The following CMTM4 variants were observed in gnomAD, a reference collection of about 807,000 sequenced individuals.
CMTM4 encodes CKLF-like MARVEL transmembrane domain-containing protein 4.
Under a neutral mutation model 19.0 loss-of-function variants are expected in CMTM4, and 8 were observed. The observed-to-expected ratio is 0.42, with a 90% confidence interval of 0.25 to 0.76. The LOEUF (loss-of-function observed/expected upper bound fraction) is 0.76. CMTM4 is among the 30% of genes least tolerant of loss of function. The probability of loss-of-function intolerance (pLI) is 0.27; values close to 1 mark genes in which losing one functional copy is unlikely to be tolerated. For missense variants in CMTM4, 228 were observed against 290.2 expected, an observed-to-expected ratio of 0.79 and a Z score of 1.56; for synonymous variants, 106 against 121.1, an observed-to-expected ratio of 0.88 and a Z score of 0.82.
downstream of CMTM4, chr16:66,613,935 G>A (rs1339791916): frequency 2.7e-5 from 4 of 148,180 alleles, no homozygotes; most frequent in African/African-American, 7.4e-5. Flanking sequence ...GACCAGTTTC[G>A]TGGAAGACAG....
chr16:66,600,116 G>T, the CMTM4 span, among the ~76,000 whole-genome samples: 1 of 143,594 alleles, frequency 7.0e-6, no homozygotes, highest in Non-Finnish European at 1.5e-5. Flanking sequence ...ATCCTTTTGT[G>T]TGTGTGTGTG....
chr16:66,684,314 C>G (rs1355476343), intron 1 of CMTM4, among the ~76,000 whole-genome samples: 1 of 152,230 alleles, frequency 6.6e-6, no homozygotes, highest in African/African-American at 2.4e-5. Context: ...GCTGGGATTA[C>G]AAGTACCCAC....
chr16:66,601,392 G>C, the CMTM4 span, among the ~76,000 whole-genome samples: 1 of 152,198 alleles, frequency 6.6e-6, no homozygotes, highest in South Asian at 2.1e-4. Flanking sequence ...TCTCAGCAGA[G>C]AGGAGGCCCT....
chr16:66,680,723 G>A (rs1416125826), intron 1 of CMTM4, among the ~76,000 whole-genome samples: 8 of 132,456 alleles, frequency 6.0e-5, no homozygotes, highest in South Asian at 2.5e-4. Flanking sequence ...GCAGTGAGCC[G>A]AGATCGTGCC....
Position 66,620,198 on chromosome 16 carries a change from G to A in CMTM4, c.*1860C>T. 2 of 985,462 alleles carry A rather than the reference G, an allele frequency of 2.0e-6. No homozygotes were observed. The highest frequency in any genetic ancestry group is 2.4e-6 in the Non-Finnish European group (2 of 829,934). The allele number at this position is 985,462 out of a possible 1,614,324, so 61.0% of individuals were successfully genotyped here. A position where few individuals can be genotyped will look rare whatever the true frequency, so the allele number is the denominator to read the frequency against. On this transcript the variant is annotated 3_prime_UTR_variant, in exon 4 of 4. Transcript: ENST00000394106. ...TGGGCCCCATTTAATGCAAGGCTGAGCCTTTGTGGCCCTATTTTAAAAGGA... is the reference window on the plus strand; with the variant it reads ...TGGGCCCCATTTAATGCAAGGCTGAACCTTTGTGGCCCTATTTTAAAAGGA...
At chr16:66,691,328 A>G (rs1005827663) in intron 1 of CMTM4, among the ~76,000 whole-genome samples, 5 of 152,004 alleles carry the variant, frequency 3.3e-5, no homozygotes, top group Admixed American at 6.6e-5. Flanking sequence ...TCACACAAGG[A>G]GGAAGAAGAT....
intron 1 of CMTM4, among the ~76,000 whole-genome samples, chr16:66,667,422 T>C (rs1411141341): frequency 6.6e-6 from 1 of 152,194 alleles, no homozygotes; most frequent in Non-Finnish European, 1.5e-5. Flanking sequence ...GGACCTGCTA[T>C]GTACTACATT....
intron 1 of CMTM4, among the ~76,000 whole-genome samples, chr16:66,671,416 T>C (rs532780340): frequency 6.6e-6 from 1 of 152,132 alleles, no homozygotes; most frequent in African/African-American, 2.4e-5. Context: ...AGACAGAAAA[T>C]TTGGAAGAGG....
At chr16:66,612,092 T>TGCACCC (rs1394035464), downstream of CMTM4, among the ~76,000 whole-genome samples, 6 of 152,138 alleles carry the variant, frequency 3.9e-5, no homozygotes, top group African/African-American at 1.2e-4. The surrounding 1 kb of genome is among the most constrained non-coding windows in gnomAD (Gnocchi z 6.0). Context: ...CACCCCCACC[T>TGCACCC]GCACCCGCAC....
rs78728413 is a variant in CMTM4, at chr16:66,682,299, C to T, written c.186+14041G>A. On this transcript the variant is annotated intron_variant, in intron 1 of 3. Coordinates refer to ENST00000394106, the MANE Select transcript of CMTM4 (RefSeq NM_181521.3). Reference sequence around the variant, plus strand: ...TCTCAAGTTATACACATTTCTAGGGCTTGGCCTGAAAATGGGTGAAAGAAA... The same window carrying T: ...TCTCAAGTTATACACATTTCTAGGGTTTGGCCTGAAAATGGGTGAAAGAAA... 2.4e-3 allele frequency among the ~76,000 whole-genome samples: 361 copies of T among 152,240 alleles called. 1 individual carries two copies. The highest frequency in any genetic ancestry group is 8.2e-3 in the African/African-American group (340 of 41,544).
intron 1 of CMTM4, among the ~76,000 whole-genome samples, chr16:66,644,460 A>C (rs746065719): frequency 1.3e-5 from 2 of 152,230 alleles, no homozygotes; most frequent in Non-Finnish European, 2.9e-5. Context: ...ACAAAAACAG[A>C]AAGAAAATGC....
chr16:66,613,649 G>C (rs2015467218), downstream of CMTM4: 1 of 153,536 alleles, frequency 6.5e-6, no homozygotes, highest in Non-Finnish European at 1.4e-5. Context: ...AAAAGAGCCA[G>C]AGTTCTGGAC....
chr16:66,681,354 T>C (rs1232846351), intron 1 of CMTM4, among the ~76,000 whole-genome samples: 1 of 152,154 alleles, frequency 6.6e-6, no homozygotes, highest in African/African-American at 2.4e-5. Context: ...TCTTGCTCTG[T>C]TGCCCAGGCT....
At chr16:66,602,145 CCAAA>C in the CMTM4 span, among the ~76,000 whole-genome samples, 1 of 152,220 alleles carries the variant, frequency 6.6e-6, no homozygotes, top group East Asian at 1.9e-4. Context: ...GCCTGTAATC[CCAAA>C]CCTTTGGGAG....
At position 66,696,528 on chromosome 16, in the gene CMTM4, T is replaced by C; in HGVS notation, c.-3A>G. 1 of 1,192,380 alleles carries C rather than the reference T, an allele frequency of 8.4e-7. No homozygotes were observed. 73.9% of individuals were successfully genotyped at this position (1,192,380 alleles called of 1,614,324 possible). ...TCCAGCTCCTCGCCGCTCCGCATGC[T>C]GCCGCCCGGCCCGGGCCGCCTCGCG... On this transcript the variant is annotated 5_prime_UTR_variant, in exon 1 of 4. Transcript: ENST00000394106. The surrounding 1 kb of genome is among the most constrained non-coding windows in gnomAD (Gnocchi z 4.3).
At chr16:66,626,191 T>C (rs780391192) in intron 2 of CMTM4, among the ~76,000 whole-genome samples, 4 of 152,130 alleles carry the variant, frequency 2.6e-5, no homozygotes, top group Admixed American at 6.5e-5. Flanking sequence ...TCCCAGCACT[T>C]TGGGAGGCCG....
intron 1 of CMTM4, among the ~76,000 whole-genome samples, chr16:66,661,618 G>C (rs1158782554): frequency 2.0e-5 from 3 of 152,128 alleles, no homozygotes; most frequent in Non-Finnish European, 4.4e-5. Flanking sequence ...GAATATCCCA[G>C]AGTAATACTT....
At chr16:66,602,060 G>A in the CMTM4 span, among the ~76,000 whole-genome samples, 2 of 152,234 alleles carry the variant, frequency 1.3e-5, no homozygotes, top group East Asian at 3.9e-4. Context: ...CATCAAAAGT[G>A]ATCAATGACT....
At chr16:66,627,762 A>C (rs1040807841) in intron 2 of CMTM4, among the ~76,000 whole-genome samples, 9 of 152,166 alleles carry the variant, frequency 5.9e-5, no homozygotes, top group African/African-American at 1.4e-4. Flanking sequence ...CACCAGTGGG[A>C]TATCTCGTCA....
Sources: gnomAD v4.1 joint callset for allele counts (sites outside exome capture counted in the v4.1 genomes callset) on GRCh38, gnomAD v4.1.1 for gene constraint, Gnocchi (gnomAD v3.1) non-coding constraint, MANE v1.5 for transcripts, NCBI Gene and HGNC (gene_info 2026-07-23, HGNC 2026-07-21) for gene names.